The following ABCC9 variants were observed in gnomAD, a reference collection of about 807,000 sequenced individuals.
ABCC9 encodes the protein ATP-binding cassette sub-family C member 9.
A neutral mutation model predicts 188.3 loss-of-function variants in ABCC9; 95 were observed. That is an observed-to-expected ratio of 0.50 (90% CI 0.43 to 0.60). The LOEUF is 0.60. ABCC9 is among the 20% of genes least tolerant of loss of function. ABCC9 has a pLI of 0.00. For missense variants in ABCC9, 1,102 were observed against 1,876.3 expected, an observed-to-expected ratio of 0.59 and a Z score of 7.62; for synonymous variants, 659 against 652.7, an observed-to-expected ratio of 1.01 and a Z score of -0.15.
intron 36 of ABCC9, among the ~76,000 whole-genome samples, chr12:21,811,125 TAGAG>T (rs1565686369): frequency 6.6e-6 from 1 of 152,120 alleles, no homozygotes; most frequent in Non-Finnish European, 1.5e-5. Flanking sequence ...GTTCTCATGA[TAGAG>T]AGTGAGTTTT....
intron 37 of ABCC9, among the ~76,000 whole-genome samples, chr12:21,808,671 GGTA>G (rs1337302677): frequency 8.6e-5 from 13 of 151,730 alleles, no homozygotes; most frequent in Admixed American, 8.6e-4. Context: ...AGGAGGCTGA[GGTA>G]GGAGGATCAC....
intron 12 of ABCC9, among the ~76,000 whole-genome samples, chr12:21,902,387 AC>A (rs1947806430): frequency 6.6e-6 from 1 of 152,244 alleles, no homozygotes; most frequent in Admixed American, 6.5e-5. Flanking sequence ...AATTAAAAGA[AC>A]TAGAGAAGCA....
intron 12 of ABCC9, among the ~76,000 whole-genome samples, chr12:21,902,439 A>T (rs1947809437): frequency 6.6e-6 from 1 of 152,230 alleles, no homozygotes; most frequent in African/African-American, 2.4e-5. Context: ...GCAAGAAATA[A>T]CTTAGATCAG....
chr12:21,824,043 T>G (rs181287605), intron 31 of ABCC9, among the ~76,000 whole-genome samples: 8 of 152,344 alleles, frequency 5.3e-5, no homozygotes, highest in African/African-American at 1.9e-4. Context: ...TAGGGAAAAC[T>G]ATCTGTGTAG....
chr12:21,850,704 A>G (rs1436231827), intron 24 of ABCC9, among the ~76,000 whole-genome samples: 1 of 152,140 alleles, frequency 6.6e-6, no homozygotes, highest in Non-Finnish European at 1.5e-5. Flanking sequence ...TAAACCATAA[A>G]TTGTCCCAAT....
chr12:21,896,353 G>A (rs184374290), intron 12 of ABCC9, among the ~76,000 whole-genome samples: 4 of 152,152 alleles, frequency 2.6e-5, no homozygotes, highest in East Asian at 1.9e-4. Context: ...ACAGTACCGC[G>A]AATCCAAACA....
intron 15 of ABCC9, among the ~76,000 whole-genome samples, chr12:21,885,671 C>CT (rs1946839946): frequency 6.6e-6 from 1 of 152,182 alleles, no homozygotes; most frequent in South Asian, 2.1e-4. Flanking sequence ...TGTCCCCACA[C>CT]TAACAAACAA....
chr12:21,810,041 A>G, intron 36 of ABCC9, 86 bp from the exon 37 acceptor site: 2 of 865,090 alleles, frequency 2.3e-6, no homozygotes, highest in South Asian at 2.8e-5. Flanking sequence ...CTTTCCTTAC[A>G]ATGTAAGTTC....
intron 18 of ABCC9, among the ~76,000 whole-genome samples, chr12:21,867,183 T>C (rs1354876844): frequency 6.6e-6 from 1 of 152,162 alleles, no homozygotes; most frequent in Admixed American, 6.5e-5. Flanking sequence ...TTATGAATAA[T>C]GTTATAATCC....
At chr12:21,925,269 A>G in intron 5 of ABCC9, 1 of 487,282 alleles carries the variant, frequency 2.1e-6, no homozygotes, top group Non-Finnish European at 3.7e-6. Context: ...TGCGTTATAT[A>G]ATTTTGACCC....
chr12:21,895,182 G>T, intron 13 of ABCC9, 93 bp downstream of exon 13: 2 of 1,108,170 alleles, frequency 1.8e-6, no homozygotes, highest in Non-Finnish European at 2.8e-6. Context: ...CAGAGGTGAG[G>T]TAATATATAT....
At chr12:21,817,102 A>G in intron 33 of ABCC9, 85 bp downstream of exon 33, 1 of 1,482,614 alleles carries the variant, frequency 6.7e-7, no homozygotes, top group South Asian at 1.1e-5. Flanking sequence ...GGAAAGCAAA[A>G]GCAGAAACAA....
At chr12:21,844,723 T>C in intron 27 of ABCC9, 44 bp downstream of exon 27, 1 of 1,609,952 alleles carries the variant, frequency 6.2e-7, no homozygotes, top group Non-Finnish European at 8.5e-7. Context: ...AATGCATATT[T>C]TTATTATTTT....
rs377384557 is a variant in ABCC9 at position 21,925,976 on chromosome 12, A to G, written c.372T>C (p.Asn124=). 1,190 of 1,613,634 alleles carry G rather than the reference A, an allele frequency of 7.4e-4. 3 individuals carry two copies. Among genetic ancestry groups the G allele is most frequent in the Non-Finnish European group, 9.5e-4 (1,126 of 1,179,624 alleles). Residue 124 remains asparagine, a synonymous_variant, in exon 5 of 40, where the codon AAT becomes AAC. Transcript: ENST00000261200. ...ATTTSIVYYH[N]IETSNFPKLL... Reference sequence around the variant, plus strand: ...ATTTAGGAAAATTTGATGTTTCGATATTATGATAATACACTATCGATGTTG... The same window carrying G: ...ATTTAGGAAAATTTGATGTTTCGATGTTATGATAATACACTATCGATGTTG...
chr12:21,894,302 C>A, intron 13 of ABCC9, 128 bp from the exon 14 acceptor site: 1 of 1,078,310 alleles, frequency 9.3e-7, no homozygotes, highest in Non-Finnish European at 1.4e-6. Flanking sequence ...ACAATGACTT[C>A]ATCCAAAACT....
chr12:21,825,911 G>A (rs1040506628), intron 31 of ABCC9, among the ~76,000 whole-genome samples: 3 of 152,118 alleles, frequency 2.0e-5, no homozygotes, highest in Admixed American at 6.5e-5. Context: ...CAATAGCAGT[G>A]ACATGGCTTT....
intron 28 of ABCC9, among the ~76,000 whole-genome samples, chr12:21,844,001 A>T (rs1427909326): frequency 6.6e-6 from 1 of 152,178 alleles, no homozygotes; most frequent in Non-Finnish European, 1.5e-5. Flanking sequence ...TAGATTCCTA[A>T]GGATCTTAGG....
rs867971775 is a variant in ABCC9 at position 21,939,159 on chromosome 12, G to A, written c.-21+1551C>T. Among the ~76,000 whole-genome samples the A allele has an allele frequency of 2.0e-5, 3 of 152,166 alleles. No homozygotes were observed. In the South Asian group the frequency reaches 6.2e-4, roughly 32 times the overall value. On this transcript the variant is annotated intron_variant, in intron 2 of 39. Transcript: ENST00000261200. ...AAAGTGTAAACTTCAAGTTGGTACA[G>A]TAAACGCTTTAGAACGATTTTTCTG...
intron 14 of ABCC9, among the ~76,000 whole-genome samples, chr12:21,892,723 G>T (rs151102318): frequency 4.5e-4 from 68 of 152,290 alleles, no homozygotes; most frequent in African/African-American, 1.4e-3. Flanking sequence ...TTTATAAGAT[G>T]ATTTATATGC....
Sources: allele counts gnomAD v4.1 joint callset (sites outside exome capture counted in the v4.1 genomes callset), GRCh38; gene constraint gnomAD v4.1.1; transcripts MANE v1.5; gene names NCBI Gene and HGNC (gene_info 2026-07-23, HGNC 2026-07-21).